ADGRV1: variants seen among roughly 807,000 people sequenced by gnomAD.
The protein encoded by ADGRV1 is adhesion G protein-coupled receptor V1, also known as G-protein coupled receptor 98.
Under a neutral mutation model 596.2 loss-of-function variants are expected in ADGRV1, and 359 were observed. That is an observed-to-expected ratio of 0.60 (90% CI 0.55 to 0.66). ADGRV1 has a LOEUF of 0.66. Ranked by LOEUF, ADGRV1 falls within the 30% of genes least tolerant of loss-of-function variation. The pLI is 0.00. For synonymous variants in ADGRV1, 2,681 were observed against 2,679.2 expected (o/e 1.00, Z -0.02); for missense variants, 7,274 against 7,575.6 (o/e 0.96, Z 1.48).
intron 85 of ADGRV1, among the ~76,000 whole-genome samples, chr5:91,023,552 A>G (rs373420126): frequency 1.5e-4 from 23 of 152,246 alleles, no homozygotes; most frequent in African/African-American, 4.6e-4. Flanking sequence ...TTGCCAGAAT[A>G]CTGGGTGAAA....
intron 48 of ADGRV1, among the ~76,000 whole-genome samples, chr5:90,726,589 A>G (rs991789798): frequency 6.6e-5 from 10 of 152,090 alleles, no homozygotes; most frequent in African/African-American, 9.7e-5. Flanking sequence ...ATCCTCAAAT[A>G]TAAATCTTAC....
chr5:90,566,676 G>A (rs963599424), intron 1 of ADGRV1, among the ~76,000 whole-genome samples: 16 of 151,930 alleles, frequency 1.1e-4, no homozygotes, highest in African/African-American at 3.9e-4. Flanking sequence ...CTTGTATATT[G>A]ATTTTGTATT....
chr5:91,085,982 T>C (rs529255900), intron 86 of ADGRV1, among the ~76,000 whole-genome samples: 7 of 152,296 alleles, frequency 4.6e-5, no homozygotes, highest in Middle Eastern at 3.4e-3. Context: ...GGACACCAAA[T>C]CCACTGACCA....
intron 34 of ADGRV1, 66 bp downstream of exon 34, chr5:90,697,212 C>T: frequency 4.4e-6 from 6 of 1,375,296 alleles, no homozygotes; most frequent in Non-Finnish European, 5.1e-6. Flanking sequence ...TTGTCTAGTT[C>T]TTTAAAACTT....
At chr5:90,603,558 T>G (rs73179753) in intron 1 of ADGRV1, among the ~76,000 whole-genome samples, 6,042 of 152,132 alleles carry the variant, frequency 0.04, 349 homozygotes, top group African/African-American at 0.13. Context: ...TGCTGTAGCT[T>G]TTCATTTTGC....
At chr5:91,066,097 A>G (rs955268207) in intron 85 of ADGRV1, among the ~76,000 whole-genome samples, 1 of 152,246 alleles carries the variant, frequency 6.6e-6, no homozygotes, top group Non-Finnish European at 1.5e-5. Context: ...AAGCAAATCC[A>G]CATGGCCGTT....
chr5:91,012,443 C>A (rs1343596490), intron 85 of ADGRV1, among the ~76,000 whole-genome samples: 1 of 151,912 alleles, frequency 6.6e-6, no homozygotes, highest in African/African-American at 2.4e-5. Context: ...GGTTCCATGA[C>A]CTTCTAGAAG....
intron 21 of ADGRV1, among the ~76,000 whole-genome samples, chr5:90,663,281 C>CT (rs1037213946): frequency 6.8e-6 from 1 of 146,306 alleles, no homozygotes; most frequent in Admixed American, 7.0e-5. Context: ...CTGTTGTTTC[C>CT]TGACTTTTTA....
At chr5:90,772,045 A>G (rs1337747840) in intron 59 of ADGRV1, among the ~76,000 whole-genome samples, 1 of 152,164 alleles carries the variant, frequency 6.6e-6, no homozygotes, top group Non-Finnish European at 1.5e-5. Flanking sequence ...TTCTTTGAGA[A>G]ATGAAGAGCA....
chr5:90,845,682 G>A (rs915963291), intron 78 of ADGRV1, among the ~76,000 whole-genome samples: 12 of 151,738 alleles, frequency 7.9e-5, no homozygotes, highest in Admixed American at 5.3e-4. Context: ...ATTTTCCCTA[G>A]TATAAAAGCA....
intron 83 of ADGRV1, among the ~76,000 whole-genome samples, chr5:90,910,002 A>G (rs1413299360): frequency 6.6e-6 from 1 of 152,268 alleles, no homozygotes; most frequent in Non-Finnish European, 1.5e-5. Flanking sequence ...TCTGGAGGAA[A>G]GAGTATGAAC....
At chr5:91,136,669 G>A (rs1315066151) in intron 87 of ADGRV1, among the ~76,000 whole-genome samples, 3 of 152,124 alleles carry the variant, frequency 2.0e-5, no homozygotes, top group Admixed American at 1.3e-4. Context: ...AAAATCCATG[G>A]AAGTAATTGG....
chr5:90,627,008 C>T (rs979513275), intron 6 of ADGRV1, among the ~76,000 whole-genome samples: 6 of 152,154 alleles, frequency 3.9e-5, no homozygotes, highest in African/African-American at 1.4e-4. Flanking sequence ...CTTACGTTTT[C>T]TTTTCCTGTG....
At chr5:90,852,587 G>T (rs1320053225) in intron 79 of ADGRV1, among the ~76,000 whole-genome samples, 1 of 152,120 alleles carries the variant, frequency 6.6e-6, no homozygotes, top group Non-Finnish European at 1.5e-5. Context: ...TCCTTCAGTA[G>T]GGATTCTGAT....
intron 83 of ADGRV1, among the ~76,000 whole-genome samples, chr5:90,934,556 G>A (rs1466507298): frequency 2.0e-5 from 3 of 152,068 alleles, no homozygotes; most frequent in African/African-American, 7.2e-5. Flanking sequence ...TTTTGTTTGT[G>A]TCCTCCATCC....
At chr5:91,111,252 C>G (rs1330986697) in intron 87 of ADGRV1, among the ~76,000 whole-genome samples, 1 of 152,122 alleles carries the variant, frequency 6.6e-6, no homozygotes, top group African/African-American at 2.4e-5. Context: ...TCCACCCCAC[C>G]CTGCCTTTTA....
chr5:91,153,339 C>T lies in ADGRV1; in HGVS notation c.18743C>T (p.Ser6248Leu). Residue 6248 changes from serine to leucine, a missense_variant, in exon 89 of 90, where the codon TCA becomes TTA. Ser to Leu is a moderately radical substitution (Grantham distance 145). This residue lies in a region of ADGRV1 where 1,874 missense variants were observed against 1,970.2 expected (regional missense o/e 0.95). Coordinates refer to ENST00000405460, the MANE Select transcript of ADGRV1 (RefSeq NM_032119.4). ...TCCTCTGGAGGATATGGCCAGGGGTCACTGATAGCCGATGAGGAGTCCCAG... is the reference window on the plus strand; with the variant it reads ...TCCTCTGGAGGATATGGCCAGGGGTTACTGATAGCCGATGAGGAGTCCCAG... ...FPSSGGYGQG[S>L]LIADEESQEF... is the part of the protein sequence containing the mutation. The T allele has an allele frequency of 1.9e-6, 3 of 1,612,088 alleles. No individual in the cohort carries two copies. Among genetic ancestry groups the T allele is most frequent in the Non-Finnish European group, 2.5e-6 (3 of 1,179,078 alleles).
intron 75 of ADGRV1, 24 bp from the exon 76 acceptor site, chr5:90,823,401 C>A: frequency 6.2e-7 from 1 of 1,610,818 alleles, no homozygotes; most frequent in Non-Finnish European, 8.5e-7. Flanking sequence ...TCTGTTAAGG[C>A]ATTGGTGGGT....
intron 58 of ADGRV1, among the ~76,000 whole-genome samples, chr5:90,760,519 C>A (rs146093814): frequency 4.3e-4 from 66 of 152,298 alleles, no homozygotes; most frequent in Non-Finnish European, 6.6e-4. Flanking sequence ...TGCTTTACTG[C>A]CAGACCACCA....
Sources: allele counts gnomAD v4.1 joint callset (sites outside exome capture counted in the v4.1 genomes callset), GRCh38; gene constraint gnomAD v4.1.1; regional missense constraint gnomAD v4.1.1; transcripts MANE v1.5; gene names NCBI Gene and HGNC (gene_info 2026-07-23, HGNC 2026-07-21).